NBPF10: variants seen among roughly 807,000 people sequenced by gnomAD.
The protein encoded by NBPF10 is NBPF member 10, also known as NBPF family member NBPF10.
NBPF10 carries 63 observed loss-of-function variants against 77.9 expected under a neutral mutation model. The ratio of observed to expected loss-of-function variants is 0.81; its 90% CI spans 0.66 to 1.00. The LOEUF is 1.00. NBPF10 is among the 50% of genes least tolerant of loss of function. The probability of loss-of-function intolerance (pLI) is 0.00; values close to 1 mark genes in which losing one functional copy is unlikely to be tolerated. For synonymous variants in NBPF10, 146 were observed against 264.5 expected (o/e 0.55, Z 4.35); for missense variants, 522 against 679.8 (o/e 0.77, Z 2.58).
chr1:146,067,893 G>C (rs1167879220), intron 88 of NBPF10, 110 bp downstream of exon 88: 5 of 699,658 alleles, frequency 7.1e-6, no homozygotes, highest in East Asian at 5.5e-5. Flanking sequence ...CATAGGTCCT[G>C]CCTGCGGCAA....
At position 146,136,457 on chromosome 1, in the gene NBPF10, T is replaced by C; in HGVS notation, c.989-2A>G. On this transcript the variant is annotated splice_acceptor_variant, in intron 6 of 89. Transcript: ENST00000583866. LOFTEE classifies it high-confidence loss of function. ...TGAGGTCTTTGCACTCTTCATATTCTGAGAAAAGACAGACACACCTGCCTC... is the reference window on the plus strand; with the variant it reads ...TGAGGTCTTTGCACTCTTCATATTCCGAGAAAAGACAGACACACCTGCCTC... 6.2e-7 allele frequency: 1 copy of C among 1,612,448 alleles called. No homozygotes were observed. The highest frequency in any genetic ancestry group is 8.5e-7 in the Non-Finnish European group (1 of 1,179,878).
In NBPF10 at chr1:146,125,655, G is replaced by T. The variant is rs1465057352; in HGVS notation, c.2027-139C>A. On this transcript the variant is annotated intron_variant, in intron 14 of 89. Coordinates refer to ENST00000583866, the Ensembl canonical transcript of NBPF10. ...CACTGTGAGAGATATTCTTCAGGAG[G>T]CCTGAAGGCTGATCACCACAGAGAT... 5 of 522,092 alleles carry T rather than the reference G, an allele frequency of 9.6e-6. No homozygotes were observed. The East Asian group carries it at 1.4e-4, about 15-fold the overall frequency. 32.3% of individuals were successfully genotyped at this position (522,092 alleles called of 1,614,324 possible). A position where few individuals can be genotyped will look rare whatever the true frequency, so the allele number is the denominator to read the frequency against.
chr1:146,104,656 CG>C, intron 41 of NBPF10, among the ~76,000 whole-genome samples: 1 of 21,338 alleles, frequency 4.7e-5, no homozygotes, highest in East Asian at 1.1e-3. Flanking sequence ...AGAGAGAGAA[CG>C]AGCTCAGTGA....
intron 6 of NBPF10, among the ~76,000 whole-genome samples, chr1:146,137,391 CATT>C (rs59026854): frequency 6.6e-5 from 6 of 90,848 alleles, no homozygotes; most frequent in Non-Finnish European, 9.6e-5. Flanking sequence ...TTTTATTTAT[CATT>C]ATTATTATTA....
intron 5 of NBPF10, among the ~76,000 whole-genome samples, chr1:146,139,262 G>A (rs1553796279): frequency 2.8e-5 from 4 of 145,154 alleles, no homozygotes; most frequent in Non-Finnish European, 6.1e-5. Flanking sequence ...ACCACGCCCA[G>A]CTATTTTTTT....
chr1:146,139,146 C>A (rs1660019092), intron 5 of NBPF10, among the ~76,000 whole-genome samples: 1 of 137,000 alleles, frequency 7.3e-6, no homozygotes, highest in Non-Finnish European at 1.6e-5. Flanking sequence ...GTCTCCCAGG[C>A]TGGAGTGCAG....
intron 10 of NBPF10, among the ~76,000 whole-genome samples, chr1:146,133,145 A>C (rs1659365396): frequency 2.5e-5 from 1 of 40,626 alleles, no homozygotes; most frequent in East Asian, 4.3e-4. Context: ...ATATTTCCAA[A>C]TACAAAGGCA....
chr1:146,126,605 AC>A (rs1658709592), intron 13 of NBPF10, among the ~76,000 whole-genome samples, 197 bp from the exon 14 acceptor site: 1 of 127,364 alleles, frequency 7.9e-6, no homozygotes, highest in African/African-American at 2.8e-5. Context: ...AGACACACAC[AC>A]ACACACACAC....
Position 146,069,618 on chromosome 1 carries a change from C to A in NBPF10, c.10735G>T (p.Asp3579Tyr), listed in dbSNP as rs587609631. The change falls in exon 86 of 90, where the codon GAC becomes TAC. Residue 3579 changes from aspartate (D) to tyrosine (Y), a missense_variant. Around this residue, in one of 9 missense-constraint regions of NBPF10, gnomAD observed 183 missense variants for 96.6 expected, o/e 1.89. Transcript: ENST00000583866. ...GCACTTCTGTAGGGCTGGCATGAGT[C>A]ACACAGTTCAAGACAACCTGAAGGA... is the stretch of plus-strand genomic sequence containing the variant. The A allele has an allele frequency of 6.4e-6, 10 of 1,570,532 alleles. No homozygotes were observed. In the Admixed American group the frequency reaches 1.4e-4, roughly 22 times the overall value.
intron 88 of NBPF10, 132 bp downstream of exon 88, chr1:146,067,871 C>G (rs1447400586): frequency 1.4e-6 from 1 of 696,950 alleles, no homozygotes; most frequent in Non-Finnish European, 2.6e-6. Flanking sequence ...TTCATTACAA[C>G]CTATATGCGC....
chr1:146,121,977 C>T lies in NBPF10; in HGVS notation c.2585+306G>A, dbSNP rs1242260888. Among the ~76,000 whole-genome samples, 11 of 125,796 alleles carry T rather than the reference C, an allele frequency of 8.7e-5. No homozygotes were observed. The East Asian group carries it at 2.6e-3, about 30-fold the overall frequency. 82.5% of individuals were successfully genotyped at this position (125,796 alleles called of 152,430 possible). A position where few individuals can be genotyped will look rare whatever the true frequency, so the allele number is the denominator to read the frequency against. On this transcript the variant is annotated intron_variant, in intron 19 of 89. Coordinates refer to ENST00000583866, the Ensembl canonical transcript of NBPF10. The stretch of plus-strand genomic sequence containing the variant: ...ACTCTGAGTTAGTGCCCTCATGACA[C>T]ACAGCAAACTGTGATCATGAAAAGA...
intron 89 of NBPF10, among the ~76,000 whole-genome samples, 173 bp from the exon 90 acceptor site, chr1:146,066,734 T>C (rs1329948433): frequency 6.7e-6 from 1 of 148,694 alleles, no homozygotes; most frequent in Admixed American, 6.7e-5. Flanking sequence ...CAGGGCCAGG[T>C]AGAAAACAAT....
chr1:146,128,916 G>A (rs2102183458), intron 11 of NBPF10, among the ~76,000 whole-genome samples: 1 of 150,064 alleles, frequency 6.7e-6, no homozygotes, highest in South Asian at 2.1e-4. Flanking sequence ...CTGTTAGAAG[G>A]AAAACTAACA....
intron 5 of NBPF10, among the ~76,000 whole-genome samples, chr1:146,139,547 CACCATG>C: frequency 1.1e-4 from 7 of 61,612 alleles, no homozygotes; most frequent in Non-Finnish European, 3.9e-4. Flanking sequence ...AGGCGTGCAG[CACCATG>C]CCTGCCTAAT....
chr1:146,125,838 C>T (rs1188289910), intron 14 of NBPF10, among the ~76,000 whole-genome samples: 1 of 150,078 alleles, frequency 6.7e-6, no homozygotes, highest in East Asian at 1.9e-4. Context: ...AGAAAAACTG[C>T]ACTATTCAGC....
chr1:146,126,723 C>G (rs587698216), intron 13 of NBPF10, among the ~76,000 whole-genome samples: 1 of 146,058 alleles, frequency 6.8e-6, no homozygotes, highest in Admixed American at 6.9e-5. Flanking sequence ...ACACAGTGAA[C>G]AGTGATCATG....
Position 146,141,812 on chromosome 1 carries a change from A to G in NBPF10, c.285T>C (p.Tyr95=), listed in dbSNP as rs781970901. 7.4e-6 allele frequency: 10 copies of G among 1,342,380 alleles called. 3 individuals carry two copies. In the South Asian group the frequency reaches 1.2e-4, roughly 16 times the overall value. 83.2% of individuals were successfully genotyped at this position (1,342,380 alleles called of 1,614,324 possible). ...GTTCCTGAGAGTGAACTAGGACTTT[A>G]TATTGCCTAAGGTGAGACGGTAGAG... The change falls in exon 3 of 90, where the codon TAT becomes TAC. Residue 95 remains tyrosine, a synonymous_variant. Transcript: ENST00000583866.
chr1:146,140,784 CT>C (rs1227121502), intron 3 of NBPF10, among the ~76,000 whole-genome samples: 1 of 120,254 alleles, frequency 8.3e-6, no homozygotes, highest in African/African-American at 2.7e-5. Flanking sequence ...CCGAAAAGAC[CT>C]TTTGCTTCCC....
intron 80 of NBPF10, 93 bp from the exon 81 acceptor site, chr1:146,073,644 C>T: frequency 2.1e-5 from 1 of 48,342 alleles, no homozygotes; most frequent in South Asian, 9.0e-5. Flanking sequence ...GGACTTCAGG[C>T]TCCTCAGCAT....
Sources: allele counts gnomAD v4.1 joint callset (sites outside exome capture counted in the v4.1 genomes callset), GRCh38; gene constraint gnomAD v4.1.1; regional missense constraint gnomAD v4.1.1; transcripts MANE v1.5; gene names NCBI Gene and HGNC (gene_info 2026-07-23, HGNC 2026-07-21).